Variants in TXNDC16 observed in about 807,000 individuals in gnomAD.
TXNDC16 encodes thioredoxin domain-containing protein 16.
In TXNDC16, 74 loss-of-function variants were observed where a neutral mutation model predicts 85.6. That is an observed-to-expected ratio of 0.86 (90% confidence interval 0.72 to 1.05). The LOEUF is 1.05. Among genes scored for constraint, TXNDC16 ranks in the 50% least tolerant of loss-of-function variants. TXNDC16 has a pLI of 0.00. For synonymous variants in TXNDC16, 335 were observed against 326.5 expected (o/e 1.03, Z -0.28); for missense variants, 959 against 947.0 (o/e 1.01, Z -0.17).
rs770772026 is a variant in TXNDC16 at position 52,543,522 on chromosome 14, G to A, written c.36C>T (p.Ile12=). 6.2e-7 allele frequency: 1 copy of A among 1,613,448 alleles called. No homozygotes were observed. Among genetic ancestry groups the A allele is most frequent in the Non-Finnish European group, 8.5e-7 (1 of 1,179,662 alleles). Residue 12 remains isoleucine, a synonymous_variant, in exon 3 of 21, where the codon ATC becomes ATT. Transcript: ENST00000281741. Reference sequence around the variant, plus strand: ...AAAAAATGCACATTATGACAAAAGAGATCCCAACTCTAAAGACATTGAAGC... The same window carrying A: ...AAAAAATGCACATTATGACAAAAGAAATCCCAACTCTAAAGACATTGAAGC... ...FSGFNVFRVG[I]SFVIMCIFYM...
rs187073331 is a variant in TXNDC16 at position 52,490,320 on chromosome 14, T to C, written c.984+71A>G. Reference sequence around the variant, plus strand: ...TACAGATTTTTCTATAATAAAAATATATTAAAGACCACATATATTAGCTTT... The same window carrying C: ...TACAGATTTTTCTATAATAAAAATACATTAAAGACCACATATATTAGCTTT... On this transcript the variant is annotated intron_variant, in intron 11 of 20. Coordinates refer to ENST00000281741, the MANE Select transcript of TXNDC16 (RefSeq NM_020784.3). 4.8e-6 allele frequency: 5 copies of C among 1,048,940 alleles called. No homozygotes were observed. The African/African-American group carries it at 8.4e-5, about 18-fold the overall frequency. 65.0% of individuals were successfully genotyped at this position (1,048,940 alleles called of 1,614,324 possible).
intron 9 of TXNDC16, among the ~76,000 whole-genome samples, chr14:52,502,693 G>T (rs1165582134): frequency 6.6e-6 from 1 of 152,218 alleles, no homozygotes; most frequent in African/African-American, 2.4e-5. Flanking sequence ...TGAGGTACAA[G>T]GTTCATCTCA....
At chr14:52,541,072 C>T (rs1414028493) in intron 4 of TXNDC16, among the ~76,000 whole-genome samples, 1 of 152,060 alleles carries the variant, frequency 6.6e-6, no homozygotes, top group African/African-American at 2.4e-5. Flanking sequence ...CCCATCTCTA[C>T]TAAAAATATA....
chr14:52,492,977 T>C (rs1467628551), intron 9 of TXNDC16, among the ~76,000 whole-genome samples: 1 of 151,958 alleles, frequency 6.6e-6, no homozygotes. Context: ...AGTAAGAAAC[T>C]AAGAAGATTA....
At chr14:52,506,888 A>C (rs548865674) in intron 9 of TXNDC16, among the ~76,000 whole-genome samples, 1 of 150,918 alleles carries the variant, frequency 6.6e-6, no homozygotes, top group African/African-American at 2.4e-5. Flanking sequence ...AACTCTCAAC[A>C]ACTTAGGTAT....
intron 18 of TXNDC16, among the ~76,000 whole-genome samples, chr14:52,447,196 C>T (rs1273457553): frequency 6.6e-6 from 1 of 151,780 alleles, no homozygotes; most frequent in Admixed American, 6.6e-5. Context: ...AGCATGAGTC[C>T]CAGGCCAGAA....
intron 18 of TXNDC16, among the ~76,000 whole-genome samples, chr14:52,445,228 CAT>C: frequency 6.6e-6 from 1 of 152,198 alleles, no homozygotes; most frequent in East Asian, 1.9e-4. Context: ...TACTTAATAA[CAT>C]GTCATTAATA....
chr14:52,459,353 C>A (rs2035603749), intron 16 of TXNDC16, among the ~76,000 whole-genome samples: 1 of 152,112 alleles, frequency 6.6e-6, no homozygotes, highest in Non-Finnish European at 1.5e-5. Context: ...GACACATACA[C>A]ACTACCAAGA....
chr14:52,475,226 G>A (rs967941234), intron 14 of TXNDC16, among the ~76,000 whole-genome samples: 18 of 152,168 alleles, frequency 1.2e-4, no homozygotes, highest in African/African-American at 3.9e-4. Flanking sequence ...GGTCCTTGAG[G>A]AGGGCTACCA....
chr14:52,463,780 A>C (rs913196320), intron 16 of TXNDC16, among the ~76,000 whole-genome samples: 2 of 152,252 alleles, frequency 1.3e-5, no homozygotes, highest in Admixed American at 1.3e-4. Context: ...ATTTAACACG[A>C]GTTAGCTTTT....
chr14:52,515,671 G>A (rs9323230), intron 7 of TXNDC16, among the ~76,000 whole-genome samples: 11,519 of 48,952 alleles, frequency 0.24, 622 homozygotes, highest in East Asian at 0.49. Flanking sequence ...TCATACATAT[G>A]TGTGTGTGTG....
intron 7 of TXNDC16, among the ~76,000 whole-genome samples, chr14:52,517,936 C>T (rs2037123160): frequency 6.6e-6 from 1 of 152,160 alleles, no homozygotes; most frequent in Non-Finnish European, 1.5e-5. Flanking sequence ...AAACCCCTAC[C>T]ACTCTACAGA....
intron 18 of TXNDC16, among the ~76,000 whole-genome samples, chr14:52,443,288 CTT>C (rs745755301): frequency 4.9e-4 from 74 of 152,186 alleles, no homozygotes; most frequent in Non-Finnish European, 5.9e-4. Flanking sequence ...ACATCAGACT[CTT>C]AAGTTCTTCA....
chr14:52,488,934 CT>C (rs2036340168), intron 11 of TXNDC16, among the ~76,000 whole-genome samples: 1 of 149,386 alleles, frequency 6.7e-6, no homozygotes. Flanking sequence ...AGGAAATTAA[CT>C]CCAAAATTAC....
intron 9 of TXNDC16, among the ~76,000 whole-genome samples, chr14:52,502,234 C>T (rs1306312927): frequency 6.6e-6 from 1 of 152,202 alleles, no homozygotes; most frequent in South Asian, 2.1e-4. Flanking sequence ...AATCCTATAT[C>T]CAAGTTCCCT....
At chr14:52,470,229 TA>T (rs34421151) in intron 15 of TXNDC16, 56 bp from the exon 16 acceptor site, 666 of 1,347,052 alleles carry the variant, frequency 4.9e-4, no homozygotes, top group South Asian at 1.0e-3. Context: ...TTTCAGTTTG[TA>T]AAAAAAAAGC....
chr14:52,496,447 G>A (rs1291998144), intron 9 of TXNDC16, among the ~76,000 whole-genome samples: 5 of 145,750 alleles, frequency 3.4e-5, no homozygotes, highest in Non-Finnish European at 7.5e-5. Context: ...TAAAGCCTGT[G>A]ATTGCAGCTG....
At chr14:52,527,177 C>A (rs557249143) in intron 6 of TXNDC16, among the ~76,000 whole-genome samples, 1 of 152,306 alleles carries the variant, frequency 6.6e-6, no homozygotes, top group Non-Finnish European at 1.5e-5. Context: ...GCCATGAGAA[C>A]CCCAATTTAT....
intron 6 of TXNDC16, among the ~76,000 whole-genome samples, chr14:52,534,828 A>G (rs1343108902): frequency 6.6e-6 from 1 of 152,242 alleles, no homozygotes; most frequent in East Asian, 1.9e-4. Flanking sequence ...ATGTCTAACA[A>G]GTGTCTGGCA....
Sources: gnomAD v4.1 joint callset for allele counts (sites outside exome capture counted in the v4.1 genomes callset) on GRCh38, gnomAD v4.1.1 for gene constraint, MANE v1.5 for transcripts, NCBI Gene and HGNC (gene_info 2026-07-23, HGNC 2026-07-21) for gene names.